Variants in GPR158 observed in about 807,000 individuals in gnomAD.
GPR158 encodes metabotropic glycine receptor.
GPR158 carries 30 observed loss-of-function variants against 78.2 expected under a neutral mutation model. That is an observed-to-expected ratio of 0.38 (90% confidence interval 0.29 to 0.52). The LOEUF is 0.52. Among genes scored for constraint, GPR158 ranks in the 20% least tolerant of loss-of-function variants. The pLI is 0.83. For missense variants in GPR158, 1,463 were observed against 1,523.5 expected (o/e 0.96, Z 0.66); for synonymous variants, 581 against 591.1 (o/e 0.98, Z 0.25).
intron 5 of GPR158, among the ~76,000 whole-genome samples, chr10:25,467,440 CCA>C (rs751318770): frequency 2.6e-5 from 4 of 152,092 alleles, no homozygotes; most frequent in Non-Finnish European, 5.9e-5. Context: ...AAATTTGCCC[CCA>C]CAAAGGACGA....
intron 5 of GPR158, among the ~76,000 whole-genome samples, chr10:25,530,278 A>G (rs977896802): frequency 1.2e-4 from 19 of 152,244 alleles, no homozygotes; most frequent in African/African-American, 4.6e-4. Context: ...GCATATTTTA[A>G]TGCCAGCGTG....
intron 2 of GPR158, among the ~76,000 whole-genome samples, chr10:25,336,634 TTTGA>T (rs1486055499): frequency 6.6e-6 from 1 of 152,048 alleles, no homozygotes; most frequent in Non-Finnish European, 1.5e-5. Context: ...GGGAGAAATG[TTTGA>T]TTGGTTCAAA....
intron 2 of GPR158, among the ~76,000 whole-genome samples, chr10:25,238,544 T>C (rs567429967): frequency 6.6e-6 from 1 of 152,358 alleles, no homozygotes; most frequent in South Asian, 2.1e-4. Flanking sequence ...TGTGGTTTAT[T>C]GAGCATTTTT....
At chr10:25,286,894 C>T (rs2130760092) in intron 2 of GPR158, among the ~76,000 whole-genome samples, 1 of 152,226 alleles carries the variant, frequency 6.6e-6, no homozygotes, top group South Asian at 2.1e-4. Flanking sequence ...TAAGTGTCTG[C>T]TGTGCACTAA....
intron 2 of GPR158, among the ~76,000 whole-genome samples, chr10:25,342,898 A>G (rs753667545): frequency 1.3e-5 from 2 of 151,214 alleles, no homozygotes; most frequent in Non-Finnish European, 2.9e-5. Context: ...TTCTATTGTC[A>G]CTGTCAGCAG....
chr10:25,419,501 G>A (rs1192342069), intron 4 of GPR158, among the ~76,000 whole-genome samples: 1 of 152,046 alleles, frequency 6.6e-6, no homozygotes, highest in Non-Finnish European at 1.5e-5. Context: ...AAATTCTTTT[G>A]CTATATACCT....
chr10:25,398,404 T>A, intron 3 of GPR158, among the ~76,000 whole-genome samples: 1 of 152,296 alleles, frequency 6.6e-6, no homozygotes, highest in East Asian at 1.9e-4. Flanking sequence ...GGTCCAGACA[T>A]AACATATGAT....
intron 5 of GPR158, among the ~76,000 whole-genome samples, chr10:25,524,064 AC>A (rs1836319296): frequency 6.6e-6 from 1 of 152,232 alleles, no homozygotes; most frequent in African/African-American, 2.4e-5. Context: ...AATTAATGAA[AC>A]AATTCCATTA....
At chr10:25,281,135 C>CAA (rs35128473) in intron 2 of GPR158, among the ~76,000 whole-genome samples, 5,664 of 112,020 alleles carry the variant, frequency 0.051, 426 homozygotes, top group African/African-American at 0.18. Flanking sequence ...AACTCTATCT[C>CAA]AAAAAAAAAA....
At chr10:25,482,270 G>A (rs1043002725) in intron 5 of GPR158, among the ~76,000 whole-genome samples, 5 of 152,020 alleles carry the variant, frequency 3.3e-5, no homozygotes, top group African/African-American at 9.7e-5. Flanking sequence ...TGCACCCTCA[G>A]ACTTCTGGGC....
chr10:25,315,046 A>T (rs1356191726), intron 2 of GPR158, among the ~76,000 whole-genome samples: 2 of 151,634 alleles, frequency 1.3e-5, no homozygotes, highest in Non-Finnish European at 2.9e-5. Context: ...ATTGTGACCT[A>T]AATATGATAA....
intron 5 of GPR158, among the ~76,000 whole-genome samples, chr10:25,539,562 G>C (rs1220771490): frequency 6.8e-6 from 1 of 148,088 alleles, no homozygotes; most frequent in African/African-American, 2.5e-5. Flanking sequence ...TATTCTATGG[G>C]AATTTTGGAG....
At chr10:25,189,074 C>G (rs1380733843) in intron 1 of GPR158, among the ~76,000 whole-genome samples, 1 of 152,130 alleles carries the variant, frequency 6.6e-6, no homozygotes, top group Non-Finnish European at 1.5e-5. Context: ...CAAATCAAAA[C>G]CACAGTGAGA....
intron 7 of GPR158, among the ~76,000 whole-genome samples, chr10:25,582,869 T>C (rs1005874127): frequency 9.9e-5 from 15 of 152,238 alleles, no homozygotes; most frequent in African/African-American, 3.6e-4. Context: ...AGAGCTCCTT[T>C]AATTACCACA....
At chr10:25,196,700 C>T (rs1471101198) in intron 1 of GPR158, among the ~76,000 whole-genome samples, 1 of 152,198 alleles carries the variant, frequency 6.6e-6, no homozygotes, top group Non-Finnish European at 1.5e-5. Context: ...TCTAGGAGAA[C>T]TAATAACCAT....
chr10:25,330,659 G>T (rs1467298792), intron 2 of GPR158, among the ~76,000 whole-genome samples: 1 of 152,166 alleles, frequency 6.6e-6, no homozygotes, highest in Non-Finnish European at 1.5e-5. Flanking sequence ...CCTTCATCAA[G>T]TAAACCTTTT....
chr10:25,404,221 A>C (rs562663276), intron 3 of GPR158, among the ~76,000 whole-genome samples: 137 of 152,222 alleles, frequency 9.0e-4, no homozygotes, highest in African/African-American at 3.2e-3. Context: ...TTTAGAAATC[A>C]GGTCTCTTGA....
intron 2 of GPR158, among the ~76,000 whole-genome samples, chr10:25,307,405 A>G (rs1854694371): frequency 1.6e-5 from 2 of 128,894 alleles, no homozygotes; most frequent in Admixed American, 1.7e-4. Context: ...TTTTTTTAAG[A>G]CAAGGTCTTA....
chr10:25,262,146 A>G (rs150726702), intron 2 of GPR158, among the ~76,000 whole-genome samples: 2 of 152,284 alleles, frequency 1.3e-5, no homozygotes, highest in East Asian at 1.9e-4. Flanking sequence ...TTTAGTGTCT[A>G]CAAGATAAAA....
Sources: gnomAD v4.1 joint callset for allele counts (sites outside exome capture counted in the v4.1 genomes callset) on GRCh38, gnomAD v4.1.1 for gene constraint, MANE v1.5 for transcripts, NCBI Gene and HGNC (gene_info 2026-07-23, HGNC 2026-07-21) for gene names.